ZBTB1: variants seen among roughly 807,000 people sequenced by gnomAD.
The protein encoded by ZBTB1 is zinc finger and BTB domain containing 1, also known as zinc finger and BTB domain-containing protein 1.
A neutral mutation model predicts 51.6 loss-of-function variants in ZBTB1; 13 were observed. The observed-to-expected ratio is 0.25, with a 90% CI of 0.16 to 0.40. ZBTB1 has a LOEUF of 0.40. Among genes scored for constraint, ZBTB1 ranks in the 10% least tolerant of loss-of-function variants. The pLI is 1.00. For synonymous variants in ZBTB1, 240 were observed against 282.2 expected (o/e 0.85, Z 1.50); for missense variants, 567 against 856.5 (o/e 0.66, Z 4.22).
chr14:64,520,099 T>G (rs1012772624), intron 1 of ZBTB1, among the ~76,000 whole-genome samples: 1 of 152,104 alleles, frequency 6.6e-6, no homozygotes, highest in Non-Finnish European at 1.5e-5. Context: ...CCTCCCAGGT[T>G]CATGCCAGTC....
At chr14:64,521,407 G>A (rs2079858890) in intron 1 of ZBTB1, 80 bp from the exon 2 acceptor site, 2 of 1,160,826 alleles carry the variant, frequency 1.7e-6, no homozygotes, top group South Asian at 3.3e-5. Context: ...AGTCATGCAA[G>A]TCACAAATCA....
downstream of ZBTB1, among the ~76,000 whole-genome samples, chr14:64,529,617 A>T (rs1268159551): frequency 6.6e-6 from 1 of 151,962 alleles, no homozygotes; most frequent in Non-Finnish European, 1.5e-5. Context: ...ACAAAAATTT[A>T]AAAATTAGCC....
chr14:64,516,311 G>A (rs1352482307), intron 1 of ZBTB1, among the ~76,000 whole-genome samples: 1 of 152,154 alleles, frequency 6.6e-6, no homozygotes, highest in East Asian at 1.9e-4. Context: ...GGTGTAACAA[G>A]GACAGAGTTT....
rs2079862822 is a variant in ZBTB1 at position 64,521,859 on chromosome 14, G to A, written c.355G>A (p.Ala119Thr). 1 of 1,612,836 alleles carries A rather than the reference G, an allele frequency of 6.2e-7. No individual in the cohort carries two copies. The highest frequency in any genetic ancestry group is 1.7e-5 in the Admixed American group (1 of 60,012). Residue 119 changes from alanine (A) to threonine (T), a missense_variant, in exon 2 of 2, where the codon GCA becomes ACA. Physicochemically the swap from Ala to Thr is moderately conservative, Grantham distance 58. This residue lies in a region of ZBTB1 where 74 missense variants were observed against 74.9 expected (regional missense o/e 0.99). Coordinates refer to ENST00000683701, the MANE Select transcript of ZBTB1 (RefSeq NM_001123329.2). ...TGACTGTTTAGAAGACATCCAGGAT[G>A]CAGATTGTTCTAGTTCAAAATGTTC... ...VPDCLEDIQD[A>T]DCSSSKCSSS...
intron 1 of ZBTB1, among the ~76,000 whole-genome samples, chr14:64,509,112 G>A (rs780334159): frequency 6.6e-6 from 1 of 152,222 alleles, no homozygotes; most frequent in African/African-American, 2.4e-5. Context: ...TCTCTCACCT[G>A]TAATCCCAGC....
chr14:64,513,473 CCCT>C (rs751448225), intron 1 of ZBTB1, among the ~76,000 whole-genome samples: 3 of 152,108 alleles, frequency 2.0e-5, no homozygotes, highest in Admixed American at 6.6e-5. Flanking sequence ...CTGCTGTGTA[CCCT>C]CCTCAATTAT....
intron 1 of ZBTB1, among the ~76,000 whole-genome samples, chr14:64,508,908 A>G (rs920868189): frequency 1.3e-5 from 2 of 152,216 alleles, no homozygotes; most frequent in Non-Finnish European, 2.9e-5. Context: ...CCCTGATGTC[A>G]AGGAGCTTGC....
intron 1 of ZBTB1, among the ~76,000 whole-genome samples, chr14:64,519,247 C>A (rs1354747974): frequency 6.7e-6 from 1 of 149,928 alleles, no homozygotes; most frequent in African/African-American, 2.5e-5. Context: ...CTTCTGGGTT[C>A]AAGCGATTCT....
chr14:64,519,179 G>A (rs528113289), intron 1 of ZBTB1, among the ~76,000 whole-genome samples: 1 of 139,736 alleles, frequency 7.2e-6, no homozygotes, highest in Middle Eastern at 3.4e-3. Context: ...ATGGAGTCTC[G>A]TTCTTGTCAC....
intron 1 of ZBTB1, among the ~76,000 whole-genome samples, chr14:64,516,922 T>A (rs2079792639): frequency 6.6e-6 from 1 of 152,224 alleles, no homozygotes; most frequent in Admixed American, 6.5e-5. Context: ...TGTAGTTGTA[T>A]TAATTTTGGT....
At chr14:64,505,196 A>G (rs2079627596) in intron 1 of ZBTB1, 1 of 318,340 alleles carries the variant, frequency 3.1e-6, no homozygotes. Context: ...ACTAGTTCCC[A>G]AATTAGTTAC....
upstream of ZBTB1, chr14:64,503,783 C>T (rs1190011501): frequency 9.9e-6 from 2 of 201,672 alleles, no homozygotes; most frequent in Non-Finnish European, 1.8e-5. Flanking sequence ...CGGCTTCCCG[C>T]GCCGGCAGCC....
intron 1 of ZBTB1, among the ~76,000 whole-genome samples, chr14:64,517,756 A>AATATATATATATATATATATAT (rs71444661): frequency 1.5e-4 from 9 of 60,720 alleles, no homozygotes; most frequent in African/African-American, 5.7e-4. Flanking sequence ...GCCATTTAGA[A>AATATATATATATATATATATAT]ATATATATAT....
Position 64,522,195 on chromosome 14 carries a change from T to C in ZBTB1, c.691T>C (p.Leu231=), listed in dbSNP as rs749097178. 14 of 1,614,124 alleles carry C rather than the reference T, an allele frequency of 8.7e-6. No homozygotes were observed. Among genetic ancestry groups the C allele is most frequent in the South Asian group, 4.4e-5 (4 of 91,086 alleles). ...CGFGFSCEKL[L]DEHVLTCTNR... is the part of the protein sequence containing the mutation. ...ATTTGGCTTTAGCTGTGAAAAATTA[T>C]TAGATGAGCATGTGCTAACCTGTAC... The change falls in exon 2 of 2, where the codon TTA becomes CTA. Residue 231 remains leucine, a synonymous_variant. Coordinates refer to ENST00000683701, the MANE Select transcript of ZBTB1 (RefSeq NM_001123329.2).
chr14:64,509,366 G>C (rs759430738), intron 1 of ZBTB1, among the ~76,000 whole-genome samples: 4 of 151,882 alleles, frequency 2.6e-5, no homozygotes, highest in Non-Finnish European at 5.9e-5. Context: ...GCCAGACCCT[G>C]TCTCAAAAAA....
At chr14:64,503,949 C>T (rs1477696949), upstream of ZBTB1, 2 of 152,188 alleles carry the variant, frequency 1.3e-5, no homozygotes, top group Admixed American at 1.3e-4. Context: ...AGTGCCGCCG[C>T]CACAGTTCGC....
At chr14:64,531,019 G>A (rs1022772447) in intron 2 of ZBTB1, among the ~76,000 whole-genome samples, 3 of 152,116 alleles carry the variant, frequency 2.0e-5, no homozygotes, top group Admixed American at 2.0e-4. Flanking sequence ...ATAATTTTAT[G>A]TGAGAAAATT....
At chr14:64,518,148 T>C (rs139709991) in intron 1 of ZBTB1, among the ~76,000 whole-genome samples, 268 of 152,220 alleles carry the variant, frequency 1.8e-3, no homozygotes, top group Non-Finnish European at 3.3e-3. Flanking sequence ...AGAAATACAA[T>C]TTTTAATTCA....
chr14:64,523,046 T>C lies in ZBTB1; in HGVS notation c.1542T>C (p.Asn514=). The C allele has an allele frequency of 6.2e-7, 1 of 1,614,134 alleles. No homozygotes were observed. Reference sequence around the variant, plus strand: ...AAATGCTGGATGATTTTAGGGACAATCATTACCAGATAAACAGTATCCAAA... The same window carrying C: ...AAATGCTGGATGATTTTAGGGACAACCATTACCAGATAAACAGTATCCAAA... ...FVEMLDDFRD[N]HYQINSIQKK... Residue 514 remains asparagine (N), a synonymous_variant, in exon 2 of 2, where the codon AAT becomes AAC. Coordinates refer to ENST00000683701, the MANE Select transcript of ZBTB1 (RefSeq NM_001123329.2). This position sits in a 1 kb window ranked among gnomAD's most constrained non-coding sequence, Gnocchi z 4.5.
Sources: gnomAD v4.1 joint callset for allele counts (sites outside exome capture counted in the v4.1 genomes callset) on GRCh38, gnomAD v4.1.1 for gene constraint, gnomAD v4.1.1 regional missense constraint, Gnocchi (gnomAD v3.1) non-coding constraint, MANE v1.5 for transcripts, NCBI Gene and HGNC (gene_info 2026-07-23, HGNC 2026-07-21) for gene names.